LTF: variants seen among roughly 807,000 people sequenced by gnomAD.
The protein encoded by LTF is epididymis luminal protein 110.
In LTF, 91 loss-of-function variants were observed where a neutral mutation model predicts 87.2. The ratio of observed to expected loss-of-function variants is 1.04; its 90% CI spans 0.88 to 1.24. The LOEUF (loss-of-function observed/expected upper bound fraction) is 1.24. Ranked by LOEUF, LTF falls within the 50% of genes most tolerant of loss-of-function variation. LTF has a pLI of 0.00. For synonymous variants in LTF, 378 were observed against 356.1 expected (o/e 1.06, Z -0.69); for missense variants, 901 against 904.3 (o/e 1.00, Z 0.05).
At chr3:46,448,545 C>T (rs1211778764) in intron 9 of LTF, among the ~76,000 whole-genome samples, 3 of 152,292 alleles carry the variant, frequency 2.0e-5, no homozygotes, top group East Asian at 3.9e-4. Flanking sequence ...AGACTTTAAC[C>T]ATGTCTGTCC....
At chr3:46,443,301 TG>T in intron 13 of LTF, 139 bp downstream of exon 13, 2 of 1,021,036 alleles carry the variant, frequency 2.0e-6, no homozygotes, top group Non-Finnish European at 1.5e-6. Context: ...CAGCCCTCAC[TG>T]GGGCCACCCA....
chr3:46,465,599 CTT>C (rs5848800), upstream of LTF, among the ~76,000 whole-genome samples: 19,112 of 149,404 alleles, frequency 0.13, 1,735 homozygotes, highest in African/African-American at 0.24. Context: ...TGCCCTACCA[CTT>C]TTTTTTTTTT....
At chr3:46,464,678 C>A in intron 1 of LTF, 147 bp downstream of exon 1, 2 of 795,378 alleles carry the variant, frequency 2.5e-6, no homozygotes, top group Non-Finnish European at 4.1e-6. Context: ...GCCCCGCGTC[C>A]GGGCCGCCTC....
At chr3:46,483,609 C>A (rs969023108) in intron 1 of LTF, among the ~76,000 whole-genome samples, 1 of 152,006 alleles carries the variant, frequency 6.6e-6, no homozygotes, top group Non-Finnish European at 1.5e-5. Context: ...GGAGTGTTAA[C>A]CTTGGGGAAG....
At chr3:46,465,121 C>T (rs2106909250), upstream of LTF, 3 of 552,068 alleles carry the variant, frequency 5.4e-6, no homozygotes, top group East Asian at 9.6e-5. Context: ...CTGGCTGCTG[C>T]GATGTTCTTT....
intron 1 of LTF, among the ~76,000 whole-genome samples, chr3:46,471,478 G>C (rs1036812583): frequency 6.6e-6 from 1 of 152,210 alleles, no homozygotes; most frequent in Non-Finnish European, 1.5e-5. Flanking sequence ...TTCACTCTGA[G>C]TTCCAGGAGG....
rs750208026 is a variant in LTF at position 46,447,323 on chromosome 3, G to T, written c.1288C>A (p.Leu430Met). Residue 430 changes from leucine to methionine, a missense_variant, in exon 10 of 17, where the codon CTG becomes ATG. Transcript: ENST00000231751. ...TAGKCGLVPV[L>M]AENYKSQQSS... is the part of the protein sequence containing the mutation. ...CTCCACTTACTGTAGTTCTCTGCCAGGACAGGCACCAAACCACATTTGCCT... is the reference window on the plus strand; with the variant it reads ...CTCCACTTACTGTAGTTCTCTGCCATGACAGGCACCAAACCACATTTGCCT... The T allele has an allele frequency of 6.2e-7, 1 of 1,614,016 alleles. No homozygotes were observed. Among genetic ancestry groups the T allele is most frequent in the Non-Finnish European group, 8.5e-7 (1 of 1,179,894 alleles).
chr3:46,453,563 G>C (rs1702852454), intron 6 of LTF, among the ~76,000 whole-genome samples: 2 of 151,990 alleles, frequency 1.3e-5, no homozygotes, highest in African/African-American at 4.8e-5. Context: ...ATGGTCCTGA[G>C]TGAATGTGGG....
chr3:46,456,306 G>C lies in LTF; in HGVS notation c.300C>G (p.Val100=). The change falls in exon 3 of 17, where the codon GTC becomes GTG. Residue 100 remains valine (V), a synonymous_variant. Coordinates refer to ENST00000231751, the MANE Select transcript of LTF (RefSeq NM_002343.6). ...AGAACTCACGTCTTTCGGTCCCGTAGACTTCCGCCGCTACAGGTCGCAGTT... is the reference window on the plus strand; with the variant it reads ...AGAACTCACGTCTTTCGGTCCCGTACACTTCCGCCGCTACAGGTCGCAGTT... The part of the protein sequence containing the change: ...PYKLRPVAAE[V]YGTERQPRTH... 6.2e-7 allele frequency: 1 copy of C among 1,614,058 alleles called. No individual in the cohort carries two copies. Among genetic ancestry groups the C allele is most frequent in the Non-Finnish European group, 8.5e-7 (1 of 1,179,968 alleles).
intron 13 of LTF, 27 bp from the exon 14 acceptor site, chr3:46,441,510 T>A: frequency 6.4e-7 from 1 of 1,555,770 alleles, no homozygotes; most frequent in Non-Finnish European, 8.8e-7. Context: ...AATATACACA[T>A]AATTACAGAA....
chr3:46,442,868 G>A (rs895768730), intron 13 of LTF, among the ~76,000 whole-genome samples: 2 of 152,138 alleles, frequency 1.3e-5, no homozygotes, highest in African/African-American at 2.4e-5. Context: ...AGCAACACCC[G>A]GATGAATGGT....
chr3:46,454,178 C>G lies in LTF; in HGVS notation c.703+127G>C. The G allele has an allele frequency of 3.6e-6, 3 of 823,222 alleles. No individual in the cohort carries two copies. The South Asian group carries it at 4.2e-5, about 12-fold the overall frequency. The allele number at this position is 823,222 out of a possible 1,614,324, so 51.0% of individuals were successfully genotyped here. A position where few individuals can be genotyped will look rare whatever the true frequency, so the allele number is the denominator to read the frequency against. ...AATATGAAAGATCATAAAATCAGAG[C>G]TGTGCCCTGTAGGAATCTTGAAAAT... is the stretch of plus-strand genomic sequence containing the variant. On this transcript the variant is annotated intron_variant, in intron 6 of 16. Transcript: ENST00000231751.
intron 1 of LTF, chr3:46,463,619 G>T (rs1056174504): frequency 1.2e-5 from 12 of 985,366 alleles, no homozygotes; most frequent in African/African-American, 1.7e-5. Context: ...AACAACTAAA[G>T]ATCCAAGTGA....
upstream of LTF, chr3:46,465,022 C>T: frequency 2.7e-6 from 2 of 741,616 alleles, no homozygotes; most frequent in South Asian, 3.2e-5. Flanking sequence ...CTTGAGGATC[C>T]AGGCTCCGAA....
chr3:46,467,918 G>C (rs1703236348), upstream of LTF, among the ~76,000 whole-genome samples: 1 of 152,108 alleles, frequency 6.6e-6, no homozygotes. Context: ...TACTCTTGCA[G>C]GTCCTGAAGG....
At chr3:46,463,785 C>A in intron 1 of LTF, 1 of 256,916 alleles carries the variant, frequency 3.9e-6, no homozygotes, top group Non-Finnish European at 6.1e-6. Context: ...GGGAAGAGAA[C>A]AGTCGGGTCC....
rs2106818551 is a variant in LTF, at chr3:46,436,235, GGACA to G, written c.2099-10_2099-7del. 1 of 1,613,408 alleles carries G rather than the reference GGACA, an allele frequency of 6.2e-7. No individual in the cohort carries two copies. The highest frequency in any genetic ancestry group is 1.3e-5 in the African/African-American group (1 of 75,008). ...TTCACAGGCTTCCAGGAGGGCTGTG[GGACA>G]CAACAGAGCAAGAGATTCAGAAACT... is the stretch of plus-strand genomic sequence containing the variant. On this transcript the variant is annotated splice_region_variant and splice_polypyrimidine_tract_variant and intron_variant, in intron 16 of 16. Transcript: ENST00000231751.
In LTF at chr3:46,445,413, T is replaced by C; in HGVS notation, c.1381A>G (p.Arg461Gly). Residue 461 changes from arginine to glycine, a missense_variant, in exon 12 of 17, where the codon AGG becomes GGG. Transcript: ENST00000231751. ...VEGYLAVAVV[R>G]RSDTSLTWNS... The stretch of plus-strand genomic sequence containing the variant: ...CAGGTAAGGCTAGTGTCTGATCTCC[T>C]AACCACCGCCACAGCAAGATATCCT... 6.2e-7 allele frequency: 1 copy of C among 1,612,866 alleles called. No homozygotes were observed. Among genetic ancestry groups the C allele is most frequent in the Non-Finnish European group, 8.5e-7 (1 of 1,179,506 alleles).
Position 46,443,523 on chromosome 3 carries a change from G to A in LTF, c.1573C>T (p.Leu525=). ...TCACCCTGCTCGTCGCCAATACACA[G>A]AGCACAGAGATTAGATCTCGGGTCA... is the stretch of plus-strand genomic sequence containing the variant. ...GSDPRSNLCA[L]CIGDEQGENK... The change falls in exon 13 of 17, where the codon CTG becomes TTG. Residue 525 remains leucine (L), a synonymous_variant. Transcript: ENST00000231751. 2 of 1,614,172 alleles carry A rather than the reference G, an allele frequency of 1.2e-6. No individual in the cohort carries two copies. The highest frequency in any genetic ancestry group is 1.7e-6 in the Non-Finnish European group (2 of 1,180,022).
Sources: gnomAD v4.1 joint callset for allele counts (sites outside exome capture counted in the v4.1 genomes callset) on GRCh38, gnomAD v4.1.1 for gene constraint, MANE v1.5 for transcripts, NCBI Gene and HGNC (gene_info 2026-07-23, HGNC 2026-07-21) for gene names.